TMEM217: variants seen among roughly 807,000 people sequenced by gnomAD.
TMEM217 encodes the protein transmembrane protein 217.
For synonymous variants in TMEM217, 76 were observed against 88.3 expected (o/e 0.86, Z 0.78); for missense variants, 204 against 248.8 (o/e 0.82, Z 1.21).
intron 1 of TMEM217, among the ~76,000 whole-genome samples, chr6:37,235,896 A>G (rs895550574): frequency 6.6e-6 from 1 of 152,204 alleles, no homozygotes; most frequent in African/African-American, 2.4e-5. Context: ...CAAAGTCCCT[A>G]TCTCTTAATA....
downstream of TMEM217, among the ~76,000 whole-genome samples, chr6:37,215,994 G>GGTGT (rs60725183): frequency 0.037 from 5,487 of 149,088 alleles, 155 homozygotes; most frequent in Non-Finnish European, 0.058. Context: ...GGTTCTTCAG[G>GGTGT]GTGTGTGTGT....
intron 1 of TMEM217, among the ~76,000 whole-genome samples, chr6:37,246,615 T>G (rs1269589898): frequency 6.6e-6 from 1 of 152,042 alleles, no homozygotes; most frequent in African/African-American, 2.4e-5. Flanking sequence ...AAATAGACAT[T>G]TCTCAGGCTG....
chr6:37,256,039 G>C (rs1209182392), intron 1 of TMEM217, among the ~76,000 whole-genome samples: 1 of 152,206 alleles, frequency 6.6e-6, no homozygotes, highest in African/African-American at 2.4e-5. Context: ...AGTATTTTGA[G>C]ATATGTCTAG....
At chr6:37,242,834 C>T (rs1764840344) in intron 1 of TMEM217, among the ~76,000 whole-genome samples, 1 of 152,152 alleles carries the variant, frequency 6.6e-6, no homozygotes, top group Admixed American at 6.5e-5. Context: ...AAGCTGACTG[C>T]CCCAGTGACT....
At chr6:37,213,659 A>G (rs1009138391), downstream of TMEM217, among the ~76,000 whole-genome samples, 2 of 152,376 alleles carry the variant, frequency 1.3e-5, no homozygotes, top group African/African-American at 4.8e-5. Context: ...AACCTAGGTT[A>G]CACCTGAGCT....
At chr6:37,222,085 A>G (rs192366480) in intron 1 of TMEM217, among the ~76,000 whole-genome samples, 72 of 152,224 alleles carry the variant, frequency 4.7e-4, no homozygotes, top group African/African-American at 1.7e-3. Flanking sequence ...TCCTCTAGCC[A>G]TCCTCTGCCC....
chr6:37,212,576 G>A, exon 4 of TMEM217: 1 of 468,622 alleles, frequency 2.1e-6, no homozygotes. Flanking sequence ...AAAAAGTGCA[G>A]GAGCATGTGT....
exon 1 of TMEM217, chr6:37,257,918 A>G: frequency 6.2e-7 from 1 of 1,613,850 alleles, no homozygotes; most frequent in Non-Finnish European, 8.5e-7. Context: ...GGCCAGAGCA[A>G]TGGCCGCTGA....
At chr6:37,218,258 C>T in exon 2 of TMEM217, 1 of 1,279,328 alleles carries the variant, frequency 7.8e-7, no homozygotes, top group Non-Finnish European at 1.0e-6. Flanking sequence ...CAACCTCCAC[C>T]TCCCAGGTCA....
chr6:37,223,338 C>A (rs959880897), intron 1 of TMEM217, among the ~76,000 whole-genome samples: 2 of 152,106 alleles, frequency 1.3e-5, no homozygotes, highest in Non-Finnish European at 2.9e-5. Context: ...TGGAACACCA[C>A]ACACAAAAAG....
At chr6:37,251,387 G>T (rs529369765) in intron 1 of TMEM217, among the ~76,000 whole-genome samples, 1 of 133,048 alleles carries the variant, frequency 7.5e-6, no homozygotes, top group South Asian at 2.5e-4. Flanking sequence ...CTGCACTAGA[G>T]AAAAATTTCC....
downstream of TMEM217, chr6:37,213,012 C>T (rs1361325503): frequency 6.6e-7 from 1 of 1,510,654 alleles, no homozygotes; most frequent in African/African-American, 1.4e-5. Flanking sequence ...GGAAGAAAAT[C>T]ATACAGACAC....
At chr6:37,236,660 C>CT (rs1764522412) in intron 1 of TMEM217, among the ~76,000 whole-genome samples, 1 of 32,186 alleles carries the variant, frequency 3.1e-5, no homozygotes, top group East Asian at 8.9e-4. Flanking sequence ...TGTGCCAGTA[C>CT]TATTTTTTTT....
At chr6:37,256,676 G>A (rs1322494887) in intron 1 of TMEM217, among the ~76,000 whole-genome samples, 2 of 151,010 alleles carry the variant, frequency 1.3e-5, no homozygotes, top group Non-Finnish European at 2.9e-5. Flanking sequence ...TCTTTGGCTG[G>A]GGCCAGGGGT....
At chr6:37,235,613 A>G (rs1347508797) in intron 1 of TMEM217, among the ~76,000 whole-genome samples, 2 of 44,222 alleles carry the variant, frequency 4.5e-5, no homozygotes, top group Non-Finnish European at 1.2e-4. Flanking sequence ...TGATCCGTCC[A>G]CCTTGGCCTC....
chr6:37,217,626 G>A, downstream of TMEM217: 1 of 985,162 alleles, frequency 1.0e-6, no homozygotes. Context: ...GGAAATTCGA[G>A]ACATAAATTG....
chr6:37,248,148 T>C (rs1765199091), intron 1 of TMEM217, among the ~76,000 whole-genome samples: 1 of 152,152 alleles, frequency 6.6e-6, no homozygotes, highest in Admixed American at 6.5e-5. Context: ...CCACTCTGTG[T>C]CTTCTTAGGA....
exon 4 of TMEM217, chr6:37,212,359 G>C: frequency 2.7e-6 from 1 of 367,510 alleles, no homozygotes. Flanking sequence ...GGGTAGGGAG[G>C]GTTCCATTGT....
At chr6:37,248,293 G>A (rs966803820) in intron 1 of TMEM217, among the ~76,000 whole-genome samples, 3 of 152,074 alleles carry the variant, frequency 2.0e-5, no homozygotes, top group Non-Finnish European at 4.4e-5. Flanking sequence ...TTTAGTGCCA[G>A]GAATACAGTA....
Sources: allele counts gnomAD v4.1 joint callset (sites outside exome capture counted in the v4.1 genomes callset), GRCh38; gene constraint gnomAD v4.1.1; transcripts MANE v1.5; gene names NCBI Gene and HGNC (gene_info 2026-07-23, HGNC 2026-07-21).